Variants in UGT1A5 observed in about 807,000 individuals in gnomAD.
The protein encoded by UGT1A5 is UDP glucuronosyltransferase family 1 member A5.
UGT1A5 carries 29 observed loss-of-function variants against 40.3 expected under a neutral mutation model. The ratio of observed to expected loss-of-function variants is 0.72; its 90% CI spans 0.54 to 0.98. The LOEUF is 0.98. Ranked by LOEUF, UGT1A5 falls within the 50% of genes least tolerant of loss-of-function variation. The probability of loss-of-function intolerance (pLI) is 0.00; values close to 1 mark genes in which losing one functional copy is unlikely to be tolerated. For missense variants in UGT1A5, 678 were observed against 677.9 expected, an observed-to-expected ratio of 1.00 and a Z score of 0.00; for synonymous variants, 257 against 262.5, an observed-to-expected ratio of 0.98 and a Z score of 0.20.
At chr2:233,765,397 A>G (rs1698823781) in intron 1 of UGT1A5, among the ~76,000 whole-genome samples, 1 of 152,238 alleles carries the variant, frequency 6.6e-6, no homozygotes, top group South Asian at 2.1e-4. Context: ...AAAATGTGGT[A>G]CATATACACC....
intron 4 of UGT1A5, chr2:233,770,251 G>A (rs1382246266): frequency 6.6e-6 from 1 of 152,150 alleles, no homozygotes; most frequent in Non-Finnish European, 1.5e-5. Flanking sequence ...CCAACACTCT[G>A]AGCTGGGGAT....
At chr2:233,746,994 G>C (rs922899059) in intron 1 of UGT1A5, among the ~76,000 whole-genome samples, 7 of 151,864 alleles carry the variant, frequency 4.6e-5, no homozygotes, top group African/African-American at 1.7e-4. Context: ...GGTCAGATGA[G>C]TTTTTCAAGT....
intron 1 of UGT1A5, among the ~76,000 whole-genome samples, chr2:233,738,281 T>C (rs1690748430): frequency 6.6e-6 from 1 of 152,228 alleles, no homozygotes; most frequent in Non-Finnish European, 1.5e-5. Context: ...CCTTTATAAA[T>C]TACCCAGTCT....
At chr2:233,745,642 G>A (rs1693169772) in intron 1 of UGT1A5, among the ~76,000 whole-genome samples, 2 of 151,344 alleles carry the variant, frequency 1.3e-5, no homozygotes, top group Admixed American at 1.3e-4. Context: ...GCTGGCCGAG[G>A]GTAGAGTTCA....
Position 233,712,955 on chromosome 2 carries a change from T to C in UGT1A5, c.-37T>C, listed in dbSNP as rs766040798. The C allele has an allele frequency of 1.9e-6, 3 of 1,612,766 alleles. No individual in the cohort carries two copies. The highest frequency in any genetic ancestry group is 2.5e-6 in the Non-Finnish European group (3 of 1,180,010). Reference sequence around the variant, plus strand: ...GGAAACAATTCTAGGAGGCACAACGTGGGGTGGACAGTCAGCTGTCGGTGG... The same window carrying C: ...GGAAACAATTCTAGGAGGCACAACGCGGGGTGGACAGTCAGCTGTCGGTGG... On this transcript the variant is annotated 5_prime_UTR_variant, in exon 1 of 5. Coordinates refer to ENST00000373414, the MANE Select transcript of UGT1A5 (RefSeq NM_019078.2).
intron 1 of UGT1A5, chr2:233,729,744 A>G: frequency 1.2e-6 from 2 of 1,613,946 alleles, no homozygotes; most frequent in South Asian, 2.2e-5. Context: ...ACCACATGAC[A>G]TTCATGCAAA....
intron 1 of UGT1A5, among the ~76,000 whole-genome samples, chr2:233,721,183 C>G (rs1370349767): frequency 6.6e-6 from 1 of 152,146 alleles, no homozygotes; most frequent in East Asian, 1.9e-4. Flanking sequence ...GATCAAACCA[C>G]AAGATATTTG....
At chr2:233,720,900 G>A (rs2076906237) in intron 1 of UGT1A5, among the ~76,000 whole-genome samples, 1 of 144,530 alleles carries the variant, frequency 6.9e-6, no homozygotes, top group Non-Finnish European at 1.5e-5. Flanking sequence ...TAGTAGAGAT[G>A]AGGTTTCGCA....
chr2:233,719,036 G>T lies in UGT1A5; in HGVS notation c.867+5178G>T, dbSNP rs148862762. Reference sequence around the variant, plus strand: ...AGGTGAATATGCACATCAAAGAAGAGAAATTTTTCACCCTGACAGCCTATG... The same window carrying T: ...AGGTGAATATGCACATCAAAGAAGATAAATTTTTCACCCTGACAGCCTATG... On this transcript the variant is annotated intron_variant, in intron 1 of 4. Transcript: ENST00000373414. 1.2e-4 allele frequency: 194 copies of T among 1,614,156 alleles called. 1 individual carries two copies. The highest frequency in any genetic ancestry group is 3.6e-5 in the Non-Finnish European group (43 of 1,180,050).
intron 1 of UGT1A5, among the ~76,000 whole-genome samples, chr2:233,738,177 G>A (rs1690719124): frequency 1.3e-5 from 2 of 152,158 alleles, no homozygotes; most frequent in Non-Finnish European, 2.9e-5. Context: ...TTTCATGTAA[G>A]ACGTGTCTTT....
intron 1 of UGT1A5, among the ~76,000 whole-genome samples, chr2:233,717,462 T>A (rs1357156698): frequency 6.6e-6 from 1 of 152,152 alleles, no homozygotes; most frequent in Non-Finnish European, 1.5e-5. Flanking sequence ...GCCTGTCCCA[T>A]GGGTTGTGTC....
chr2:233,746,674 G>T (rs1328656193), intron 1 of UGT1A5, among the ~76,000 whole-genome samples: 1 of 151,722 alleles, frequency 6.6e-6, no homozygotes, highest in South Asian at 2.1e-4. Context: ...TAGCATAGTA[G>T]GTAGGGCTCA....
At position 233,767,074 on chromosome 2, in the gene UGT1A5, T is replaced by C. The variant is rs747099261; in HGVS notation, c.908T>C (p.Ile303Thr). Residue 303 changes from isoleucine to threonine, a missense_variant, in exon 2 of 5, where the codon ATT becomes ACT. Transcript: ENST00000373414. The part of the protein sequence containing the change: ...AYINASGEHG[I>T]VVFSLGSMVS... ...ATTAATGCTTCTGGAGAACATGGAA[T>C]TGTGGTTTTCTCTTTGGGATCAATG... is the stretch of plus-strand genomic sequence containing the variant. 2.5e-6 allele frequency: 4 copies of C among 1,614,130 alleles called. No individual in the cohort carries two copies. The highest frequency in any genetic ancestry group is 1.1e-5 in the South Asian group (1 of 91,076).
chr2:233,766,910 T>C (rs960990875), intron 1 of UGT1A5, 124 bp from the exon 2 acceptor site: 6 of 1,519,286 alleles, frequency 3.9e-6, no homozygotes, highest in East Asian at 2.3e-5. Context: ...TTTTTTACTC[T>C]ATCTCAAACA....
intron 1 of UGT1A5, chr2:233,722,079 A>C (rs1416421217): frequency 4.1e-6 from 1 of 244,000 alleles, no homozygotes; most frequent in African/African-American, 2.3e-5. Context: ...AAGAATTTTC[A>C]CAGATCACCT....
intron 1 of UGT1A5, among the ~76,000 whole-genome samples, chr2:233,749,165 T>C (rs1694132645): frequency 6.6e-6 from 1 of 151,910 alleles, no homozygotes; most frequent in Non-Finnish European, 1.5e-5. Flanking sequence ...TCCTTTTGTA[T>C]TTTTATTTCT....
chr2:233,713,722 C>G lies in UGT1A5; in HGVS notation c.731C>G (p.Ser244Ter), dbSNP rs549143838. 2.4e-5 allele frequency: 39 copies of G among 1,613,948 alleles called. No individual in the cohort carries two copies. In the South Asian group the frequency reaches 4.2e-4, roughly 17 times the overall value. The change falls in exon 1 of 5, where the codon TCA becomes TGA. Residue 244 changes from serine to a stop codon, truncating the protein, a stop_gained. Transcript: ENST00000373414. LOFTEE classifies it high-confidence loss of function. Reference protein sequence around the residue: ...LASELFQREVSVVDLVSHASV... With the variant: ...LASELFQREV Reference sequence around the variant, plus strand: ...TCTGAGCTTTTTCAGAGAGAGGTGTCAGTGGTGGATCTTGTCAGCCATGCA... The same window carrying G: ...TCTGAGCTTTTTCAGAGAGAGGTGTGAGTGGTGGATCTTGTCAGCCATGCA...
chr2:233,757,560 A>ATATATATATATATATATATATATATG (rs904896556), intron 1 of UGT1A5, among the ~76,000 whole-genome samples: 17 of 123,144 alleles, frequency 1.4e-4, no homozygotes, highest in African/African-American at 3.1e-4. Flanking sequence ...ATATATATAT[A>ATATATATATATATATATATATATATG]TGTATATATG....
intron 1 of UGT1A5, chr2:233,761,302 C>G: frequency 6.8e-7 from 1 of 1,473,836 alleles, no homozygotes. Context: ...AGGTTTGAGT[C>G]TGTCTTTGGC....
Sources: gnomAD v4.1 joint callset for allele counts (sites outside exome capture counted in the v4.1 genomes callset) on GRCh38, gnomAD v4.1.1 for gene constraint, MANE v1.5 for transcripts, NCBI Gene and HGNC (gene_info 2026-07-23, HGNC 2026-07-21) for gene names.